Variants in C11orf65 observed in about 807,000 individuals in gnomAD.
C11orf65 encodes chromosome 11 open reading frame 65.
A neutral mutation model predicts 35.3 loss-of-function variants in C11orf65; 38 were observed. That is an observed-to-expected ratio of 1.08 (90% CI 0.83 to 1.41). The LOEUF (loss-of-function observed/expected upper bound fraction) is 1.41. Ranked by LOEUF, C11orf65 falls within the 40% of genes most tolerant of loss-of-function variation. The probability of loss-of-function intolerance (pLI) is 0.00; values close to 1 mark genes in which losing one functional copy is unlikely to be tolerated. For synonymous variants in C11orf65, 105 were observed against 114.4 expected (o/e 0.92, Z 0.53); for missense variants, 370 against 367.1 (o/e 1.01, Z -0.06).
chr11:108,441,534 C>T (rs1415971504), intron 2 of C11orf65, among the ~76,000 whole-genome samples: 1 of 152,164 alleles, frequency 6.6e-6, no homozygotes, highest in African/African-American at 2.4e-5. Flanking sequence ...TCAAGTGGGT[C>T]CCTGACCCCC....
intron 6 of C11orf65, chr11:108,317,295 A>G (rs1344455559): frequency 1.4e-6 from 2 of 1,452,412 alleles, no homozygotes; most frequent in Non-Finnish European, 1.9e-6. Context: ...GTTAATTTGT[A>G]TCTTTGCTGT....
intron 7 of C11orf65, 100 bp downstream of exon 7, chr11:108,393,105 TGAA>T: frequency 7.7e-7 from 1 of 1,294,940 alleles, no homozygotes; most frequent in African/African-American, 1.5e-5. Flanking sequence ...TTTTTTTCTT[TGAA>T]GATTGTTTGT....
intron 3 of C11orf65, among the ~76,000 whole-genome samples, chr11:108,415,120 C>A (rs2092711530): frequency 6.6e-6 from 1 of 151,990 alleles, no homozygotes; most frequent in South Asian, 2.1e-4. Flanking sequence ...GTCCCCTCAC[C>A]TTTTCTATTC....
chr11:108,393,091 G>GT (rs900806297), intron 7 of C11orf65, 117 bp downstream of exon 7: 23,173 of 974,524 alleles, frequency 0.024, 1 homozygote, highest in South Asian at 0.03. Context: ...AGATACTCGG[G>GT]TTTTTTTTTT....
intron 2 of C11orf65, among the ~76,000 whole-genome samples, chr11:108,453,804 T>C (rs2093380821): frequency 6.6e-6 from 1 of 152,230 alleles, no homozygotes; most frequent in African/African-American, 2.4e-5. Flanking sequence ...TTCAGTTTGC[T>C]AGTATTTGGT....
At position 108,406,528 on chromosome 11, in the gene C11orf65, G is replaced by A. The variant is rs146788223; in HGVS notation, c.429+235C>T. Among the ~76,000 whole-genome samples the A allele has an allele frequency of 7.7e-3, 1,172 of 152,228 alleles. 16 individuals are homozygous for A. Among genetic ancestry groups the A allele is most frequent in the African/African-American group, 0.026 (1,096 of 41,518 alleles). The stretch of plus-strand genomic sequence containing the variant: ...TGCTGAGTACCAGAGAGTATCTAAA[G>A]ATGGTCTAGATTCAAAGCTGATAAT... On this transcript the variant is annotated intron_variant, in intron 5 of 8. Transcript: ENST00000393084.
chr11:108,452,171 A>T (rs963654935), intron 2 of C11orf65, among the ~76,000 whole-genome samples: 2 of 152,262 alleles, frequency 1.3e-5, no homozygotes, highest in South Asian at 2.1e-4. Flanking sequence ...TAATTAAACT[A>T]AAGAGCTTCT....
intron 6 of C11orf65, among the ~76,000 whole-genome samples, chr11:108,395,569 A>C (rs973370924): frequency 6.1e-4 from 92 of 149,818 alleles, no homozygotes; most frequent in Non-Finnish European, 1.2e-3. Flanking sequence ...TGCCCGCCTC[A>C]GCCTCCCAAA....
In C11orf65 at chr11:108,343,358, A is replaced by G. The variant is rs730881324; in HGVS notation, c.227-8066T>C. The G allele has an allele frequency of 1.7e-5, 27 of 1,613,996 alleles. No homozygotes were observed. Among genetic ancestry groups the G allele is most frequent in the Admixed American group, 5.0e-5 (3 of 59,996 alleles). ...AATGATTTCAGTGCCTTTCAGTGCC[A>G]AAAGAAAATGATGGTGAGTGACACC... On this transcript the variant is annotated intron_variant, in intron 2 of 3. Coordinates refer to the C11orf65 transcript ENST00000524755.
chr11:108,433,223 G>A (rs1025809923), intron 2 of C11orf65, among the ~76,000 whole-genome samples: 1 of 150,048 alleles, frequency 6.7e-6, no homozygotes, highest in African/African-American at 2.4e-5. Flanking sequence ...TTGGAGGGGC[G>A]AGGCATTAAA....
intron 6 of C11orf65, among the ~76,000 whole-genome samples, chr11:108,323,817 C>G (rs1325138588): frequency 2.6e-5 from 4 of 152,120 alleles, no homozygotes; most frequent in African/African-American, 9.7e-5. Flanking sequence ...TGCTTATGCT[C>G]TCAGATTACA....
chr11:108,449,593 C>T (rs1471914177), intron 2 of C11orf65, among the ~76,000 whole-genome samples: 1 of 151,928 alleles, frequency 6.6e-6, no homozygotes, highest in Non-Finnish European at 1.5e-5. Context: ...AGGTAGAAAG[C>T]TGAAACTGGA....
At chr11:108,403,409 G>GTTTTTTTTTTTTTTTTTTTTTTT (rs71047691) in intron 6 of C11orf65, among the ~76,000 whole-genome samples, 32 of 67,300 alleles carry the variant, frequency 4.8e-4, no homozygotes, top group Non-Finnish European at 7.7e-4. Flanking sequence ...TGTTTGAGAG[G>GTTTTTTTTTTTTTTTTTTTTTTT]TTTTTTTTTT....
intron 2 of C11orf65, among the ~76,000 whole-genome samples, chr11:108,353,304 A>G (rs1337836614): frequency 6.6e-6 from 1 of 151,988 alleles, no homozygotes; most frequent in Non-Finnish European, 1.5e-5. Context: ...ACCTGCTACC[A>G]CACCCAGCTA....
intron 2 of C11orf65, among the ~76,000 whole-genome samples, chr11:108,453,142 A>C (rs1339902615): frequency 6.6e-6 from 1 of 151,402 alleles, no homozygotes; most frequent in Non-Finnish European, 1.5e-5. Context: ...AACTTAAAGT[A>C]TAATTAAAAA....
intron 2 of C11orf65, among the ~76,000 whole-genome samples, chr11:108,375,189 A>G (rs1367909304): frequency 2.0e-5 from 3 of 151,700 alleles, no homozygotes; most frequent in African/African-American, 7.2e-5. Flanking sequence ...TAATTGTCAG[A>G]TTCACCAAAG....
At chr11:108,368,318 C>G (rs894021798) in intron 2 of C11orf65, 1 of 207,426 alleles carries the variant, frequency 4.8e-6, no homozygotes, top group Non-Finnish European at 9.7e-6. Flanking sequence ...TTTTGGCAAG[C>G]TGGAACTCTT....
chr11:108,390,521 C>A (rs1387310275), intron 7 of C11orf65, among the ~76,000 whole-genome samples: 1 of 152,104 alleles, frequency 6.6e-6, no homozygotes, highest in Admixed American at 6.6e-5. Context: ...TTTGCCGGCC[C>A]TTAGCTTGAA....
At chr11:108,453,433 C>T (rs2093376349) in intron 2 of C11orf65, among the ~76,000 whole-genome samples, 2 of 151,890 alleles carry the variant, frequency 1.3e-5, no homozygotes, top group Admixed American at 6.6e-5. Context: ...ATGGTCTAAA[C>T]ATGCTAATTA....
Sources: gnomAD v4.1 joint callset for allele counts (sites outside exome capture counted in the v4.1 genomes callset) on GRCh38, gnomAD v4.1.1 for gene constraint, MANE v1.5 for transcripts, NCBI Gene and HGNC (gene_info 2026-07-23, HGNC 2026-07-21) for gene names.